Variants in ATP13A4 observed in about 807,000 individuals in gnomAD.
ATP13A4 encodes the protein ATPase 13A4, also known as probable cation-transporting ATPase 13A4.
ATP13A4 carries 114 observed loss-of-function variants against 142.5 expected under a neutral mutation model. The observed-to-expected ratio is 0.80, with a 90% CI of 0.69 to 0.93. The LOEUF (loss-of-function observed/expected upper bound fraction) is 0.93. Ranked by LOEUF, ATP13A4 falls within the 40% of genes least tolerant of loss-of-function variation. The probability of loss-of-function intolerance (pLI) is 0.00; values close to 1 mark genes in which losing one functional copy is unlikely to be tolerated. For missense variants in ATP13A4, 1,392 were observed against 1,454.0 expected, an observed-to-expected ratio of 0.96 and a Z score of 0.69; for synonymous variants, 488 against 514.8, an observed-to-expected ratio of 0.95 and a Z score of 0.70.
At chr3:193,462,740 T>G in intron 13 of ATP13A4, 22 bp downstream of exon 13, 1 of 1,605,218 alleles carries the variant, frequency 6.2e-7, no homozygotes, top group Non-Finnish European at 8.5e-7. Context: ...ATGCATTTAG[T>G]CCAAGAGTCC....
chr3:193,438,388 T>A (rs1234367404), intron 23 of ATP13A4, 87 bp downstream of exon 23: 4 of 1,134,876 alleles, frequency 3.5e-6, no homozygotes, highest in Non-Finnish European at 5.3e-6. Flanking sequence ...GGACAGAAAG[T>A]TTCTCTAGTC....
intron 1 of ATP13A4, among the ~76,000 whole-genome samples, chr3:193,549,975 A>G (rs1172243519): frequency 6.6e-6 from 1 of 152,226 alleles, no homozygotes; most frequent in Non-Finnish European, 1.5e-5. Context: ...GTTTTTCAAC[A>G]TGTAGCGGGG....
At chr3:193,453,286 A>G (rs1328162531) in intron 17 of ATP13A4, among the ~76,000 whole-genome samples, 3 of 152,226 alleles carry the variant, frequency 2.0e-5, no homozygotes, top group African/African-American at 4.8e-5. Context: ...GTTCAAAAAT[A>G]TAGTTACAAG....
intron 8 of ATP13A4, among the ~76,000 whole-genome samples, chr3:193,480,226 C>A (rs185694395): frequency 8.5e-4 from 129 of 152,140 alleles, no homozygotes; most frequent in African/African-American, 3.0e-3. Context: ...AACAAGAACC[C>A]AAAAGCAAAT....
chr3:193,434,135 AT>A (rs1394038752), intron 24 of ATP13A4, among the ~76,000 whole-genome samples: 1 of 152,084 alleles, frequency 6.6e-6, no homozygotes, highest in Non-Finnish European at 1.5e-5. Context: ...GCCTATCATC[AT>A]GTGCTTTCAG....
At chr3:193,576,247 ATCTTTT>A (rs144053985) in intron 2 of ATP13A4, among the ~76,000 whole-genome samples, 8 of 107,342 alleles carry the variant, frequency 7.5e-5, no homozygotes, top group South Asian at 2.8e-4. Context: ...GCTTGAATCA[ATCTTTT>A]TTTTTTTTTT....
chr3:193,580,196 C>A (rs75759766), intron 2 of ATP13A4, among the ~76,000 whole-genome samples: 1 of 152,076 alleles, frequency 6.6e-6, no homozygotes, highest in Non-Finnish European at 1.5e-5. Flanking sequence ...CTGATATAGC[C>A]TGGTAAATTG....
intron 1 of ATP13A4, chr3:193,554,499 AC>A: frequency 3.4e-6 from 2 of 586,690 alleles, no homozygotes; most frequent in Admixed American, 2.9e-5. Flanking sequence ...TAAAAAGAAA[AC>A]ATTCTTGACA....
chr3:193,551,996 A>G (rs1013347974), intron 1 of ATP13A4, among the ~76,000 whole-genome samples: 1 of 152,078 alleles, frequency 6.6e-6, no homozygotes, highest in African/African-American at 2.4e-5. Flanking sequence ...TATTTTTGAG[A>G]CAGAGTCTTG....
At chr3:193,448,107 G>T (rs1717059125) in intron 18 of ATP13A4, 99 bp downstream of exon 18, 1 of 1,506,652 alleles carries the variant, frequency 6.6e-7, no homozygotes, top group Non-Finnish European at 9.1e-7. Flanking sequence ...AATGATGTCT[G>T]GCCCAGAGTA....
In ATP13A4 at chr3:193,457,098, T is replaced by C. The variant is rs765688471; in HGVS notation, c.1817A>G (p.Gln606Arg). 28 of 1,613,794 alleles carry C rather than the reference T, an allele frequency of 1.7e-5. No individual in the cohort carries two copies. The highest frequency in any genetic ancestry group is 3.3e-5 in the Admixed American group (2 of 60,000). The change falls in exon 16 of 30, where the codon CAA (glutamine) becomes CGA (arginine). Residue 606 changes from glutamine (Q) to arginine (R), a missense_variant. Coordinates refer to ENST00000342695, the MANE Select transcript of ATP13A4 (RefSeq NM_032279.4). Reference protein sequence around the residue: ...LHQFPFSSALQRMTVIVQEMG... With the variant: ...LHQFPFSSALRRMTVIVQEMG... ...CTCTTGGACAATGACTGTCATTCTT[T>C]GCAGTGCCGATGAGAATGGGAACTG...
intron 3 of ATP13A4, among the ~76,000 whole-genome samples, chr3:193,500,219 C>A (rs541499111): frequency 6.6e-6 from 1 of 152,108 alleles, no homozygotes; most frequent in Non-Finnish European, 1.5e-5. Flanking sequence ...TCTTTCTGCT[C>A]AGGAATAAGG....
chr3:193,538,201 G>A (rs1289651030), intron 1 of ATP13A4, among the ~76,000 whole-genome samples: 1 of 152,114 alleles, frequency 6.6e-6, no homozygotes, highest in Non-Finnish European at 1.5e-5. Flanking sequence ...GCTGGAATAG[G>A]TATCTCCAAG....
chr3:193,512,345 CCT>C (rs1297850014), intron 2 of ATP13A4, among the ~76,000 whole-genome samples: 4 of 152,078 alleles, frequency 2.6e-5, no homozygotes. Flanking sequence ...AAATTTTATC[CCT>C]GTCCTAGAAA....
intron 26 of ATP13A4, 101 bp from the exon 27 acceptor site, chr3:193,412,472 A>G (rs181366492): frequency 3.0e-6 from 3 of 988,734 alleles, no homozygotes; most frequent in East Asian, 2.6e-5. Flanking sequence ...CAGAGCAGGC[A>G]CTCAATGCTT....
intron 25 of ATP13A4, among the ~76,000 whole-genome samples, chr3:193,422,234 AAATGTT>A (rs1194168573): frequency 6.7e-6 from 1 of 150,000 alleles, no homozygotes; most frequent in African/African-American, 2.4e-5. Context: ...TATATAAAGC[AAATGTT>A]AATGAACACA....
intron 2 of ATP13A4, among the ~76,000 whole-genome samples, chr3:193,569,129 T>A (rs1264723434): frequency 1.3e-5 from 2 of 152,222 alleles, no homozygotes; most frequent in African/African-American, 4.8e-5. Context: ...AAGGTCAACA[T>A]CCACAGTGGC....
intron 1 of ATP13A4, among the ~76,000 whole-genome samples, chr3:193,524,531 G>A (rs890239548): frequency 2.6e-4 from 39 of 152,170 alleles, no homozygotes; most frequent in Non-Finnish European, 2.9e-4. Flanking sequence ...AGCATACAGA[G>A]GTCAGTATCT....
At chr3:193,577,135 C>A (rs527399514) in intron 2 of ATP13A4, among the ~76,000 whole-genome samples, 1 of 152,310 alleles carries the variant, frequency 6.6e-6, no homozygotes, top group South Asian at 2.1e-4. Context: ...CTATAACCAA[C>A]ACCACATCCA....
Sources: gnomAD v4.1 joint callset for allele counts (sites outside exome capture counted in the v4.1 genomes callset) on GRCh38, gnomAD v4.1.1 for gene constraint, MANE v1.5 for transcripts, NCBI Gene and HGNC (gene_info 2026-07-23, HGNC 2026-07-21) for gene names.